Variants in PDLIM1 observed in about 807,000 individuals in gnomAD.
The protein encoded by PDLIM1 is PDZ and LIM domain protein 1.
Under a neutral mutation model 35.2 loss-of-function variants are expected in PDLIM1, and 25 were observed. The ratio of observed to expected loss-of-function variants is 0.71; its 90% CI spans 0.52 to 0.99. The LOEUF is 0.99. PDLIM1 is among the 50% of genes least tolerant of loss of function. The pLI, the probability that PDLIM1 is intolerant of heterozygous loss-of-function variation, is 0.00. For missense variants in PDLIM1, 363 were observed against 415.3 expected (o/e 0.87, Z 1.09); for synonymous variants, 152 against 154.0 (o/e 0.99, Z 0.10).
At chr10:95,247,136 T>C (rs920303385) in intron 5 of PDLIM1, 79 bp downstream of exon 5, 3 of 1,317,024 alleles carry the variant, frequency 2.3e-6, no homozygotes, top group Non-Finnish European at 3.2e-6. Flanking sequence ...CCAGAGTGTG[T>C]TCACCTGTGC....
chr10:95,283,981 C>CTCTCTGTGTGTG (rs143926521), intron 1 of PDLIM1, among the ~76,000 whole-genome samples: 155 of 150,318 alleles, frequency 1.0e-3, no homozygotes, highest in African/African-American at 3.6e-3. Flanking sequence ...GCCTTTTTCT[C>CTCTCTGTGTGTG]TGTGTGTGTG....
At chr10:95,270,371 G>A (rs1026333399) in intron 2 of PDLIM1, among the ~76,000 whole-genome samples, 5 of 151,816 alleles carry the variant, frequency 3.3e-5, no homozygotes, top group Non-Finnish European at 5.9e-5. Flanking sequence ...CTTCACAGAT[G>A]AGAATCTAAC....
At chr10:95,251,025 A>C (rs560522577) in intron 4 of PDLIM1, among the ~76,000 whole-genome samples, 19 of 152,290 alleles carry the variant, frequency 1.2e-4, no homozygotes, top group African/African-American at 4.6e-4. Flanking sequence ...CCCACCTCCC[A>C]GAGGAGGATT....
At chr10:95,284,722 C>T (rs946658731) in intron 1 of PDLIM1, among the ~76,000 whole-genome samples, 5 of 152,176 alleles carry the variant, frequency 3.3e-5, no homozygotes, top group African/African-American at 1.2e-4. Context: ...TTACTTGATA[C>T]GAATGGTCGT....
rs541046846 is a variant in PDLIM1 at position 95,276,113 on chromosome 10, C to T, written c.97-4329G>A. ...CCTATTTGAGATAATAATATGATTA[C>T]CTCACCACCAACATATTAGATAAAC... On this transcript the variant is annotated intron_variant, in intron 1 of 6. Coordinates refer to ENST00000329399, the MANE Select transcript of PDLIM1 (RefSeq NM_020992.4). 7.9e-5 allele frequency among the ~76,000 whole-genome samples: 12 copies of T among 152,212 alleles called. No individual in the cohort carries two copies. In the East Asian group the frequency reaches 1.3e-3, roughly 17 times the overall value.
chr10:95,280,304 G>A lies in PDLIM1; in HGVS notation c.97-8520C>T, dbSNP rs542398828. 2.0e-5 allele frequency among the ~76,000 whole-genome samples: 3 copies of A among 152,270 alleles called. No homozygotes were observed. In the South Asian group the frequency reaches 6.2e-4, roughly 32 times the overall value. On this transcript the variant is annotated intron_variant, in intron 1 of 6. Transcript: ENST00000329399. ...GCAGGAGAATCACTTGAACCGGGGA[G>A]GCAGAGGTTGCAATGAGCCAAGATC...
At position 95,290,802 on chromosome 10, in the gene PDLIM1, C is replaced by G; in HGVS notation, c.96+18G>C. On this transcript the variant is annotated intron_variant, in intron 1 of 6. Transcript: ENST00000329399. The surrounding 1 kb of genome is among the most constrained non-coding windows in gnomAD (Gnocchi z 4.7). ...TCCCATAGCGCCCCGCTTCCACGCACGTCCCAGCTGCTCTTACCCGGGAAA... is the reference window on the plus strand; with the variant it reads ...TCCCATAGCGCCCCGCTTCCACGCAGGTCCCAGCTGCTCTTACCCGGGAAA... 6.6e-7 allele frequency: 1 copy of G among 1,526,270 alleles called. No individual in the cohort carries two copies. The allele number at this position is 1,526,270 out of a possible 1,614,324, so 94.5% of individuals were successfully genotyped here. A position where few individuals can be genotyped will look rare whatever the true frequency, so the allele number is the denominator to read the frequency against.
chr10:95,284,204 G>C (rs555833116), intron 1 of PDLIM1, among the ~76,000 whole-genome samples: 267 of 152,098 alleles, frequency 1.8e-3, no homozygotes, highest in Non-Finnish European at 3.4e-3. Context: ...CACTCATGTG[G>C]ACCCAGTTTC....
intron 1 of PDLIM1, among the ~76,000 whole-genome samples, chr10:95,283,597 GT>G (rs2133442499): frequency 6.6e-6 from 1 of 152,350 alleles, no homozygotes; most frequent in East Asian, 1.9e-4. Flanking sequence ...GCAGCCAGCT[GT>G]TCACTGTGTT....
chr10:95,249,975 C>T (rs1407198469), intron 4 of PDLIM1, among the ~76,000 whole-genome samples: 1 of 152,160 alleles, frequency 6.6e-6, no homozygotes, highest in Non-Finnish European at 1.5e-5. Context: ...CCCCCACCTG[C>T]AGGGAACTGT....
intron 5 of PDLIM1, among the ~76,000 whole-genome samples, chr10:95,241,315 G>C (rs45450700): frequency 2.6e-5 from 4 of 152,144 alleles, no homozygotes; most frequent in African/African-American, 9.7e-5. Flanking sequence ...GCCCTCCAGC[G>C]ATCCTCCCAC....
At position 95,290,739 on chromosome 10, in the gene PDLIM1, C is replaced by T. The variant is rs1157880455; in HGVS notation, c.96+81G>A. ...CCGGCTGCGGTTCCGACTCCGTCCCCGACCGCGCCCGCGGGGCCCCAGTCT... is the reference window on the plus strand; with the variant it reads ...CCGGCTGCGGTTCCGACTCCGTCCCTGACCGCGCCCGCGGGGCCCCAGTCT... On this transcript the variant is annotated intron_variant, in intron 1 of 6. Coordinates refer to ENST00000329399, the MANE Select transcript of PDLIM1 (RefSeq NM_020992.4). The surrounding 1 kb of genome is among the most constrained non-coding windows in gnomAD (Gnocchi z 4.7). The T allele has an allele frequency of 5.0e-6, 5 of 994,064 alleles. No homozygotes were observed. The highest frequency in any genetic ancestry group is 3.4e-5 in the African/African-American group (2 of 59,034). The allele number at this position is 994,064 out of a possible 1,614,324, so 61.6% of individuals were successfully genotyped here.
Position 95,290,886 on chromosome 10 carries a change from G to T in PDLIM1, c.30C>A (p.Gly10=). MTTQQIDLQ[G]PGPWGFRLVG... ...CGAGGCGGAAGCCCCACGGCCCCGGGCCCTGGAGGTCTATCTGCTGGGTGG... is the reference window on the plus strand; with the variant it reads ...CGAGGCGGAAGCCCCACGGCCCCGGTCCCTGGAGGTCTATCTGCTGGGTGG... The change falls in exon 1 of 7, where the codon GGC becomes GGA. Residue 10 remains glycine, a synonymous_variant. Coordinates refer to ENST00000329399, the MANE Select transcript of PDLIM1 (RefSeq NM_020992.4). This position sits in a 1 kb window ranked among gnomAD's most constrained non-coding sequence, Gnocchi z 4.7. 6.4e-7 allele frequency: 1 copy of T among 1,563,422 alleles called. No individual in the cohort carries two copies. The highest frequency in any genetic ancestry group is 8.7e-7 in the Non-Finnish European group (1 of 1,154,576).
chr10:95,275,933 C>A (rs1300325120), intron 1 of PDLIM1, among the ~76,000 whole-genome samples: 1 of 152,000 alleles, frequency 6.6e-6, no homozygotes, highest in Non-Finnish European at 1.5e-5. Flanking sequence ...CAAAGGAAAT[C>A]TCAGAAAGTC....
At chr10:95,288,282 T>C (rs1159468867) in intron 1 of PDLIM1, among the ~76,000 whole-genome samples, 1 of 152,196 alleles carries the variant, frequency 6.6e-6, no homozygotes, top group Non-Finnish European at 1.5e-5. Flanking sequence ...CAATAATTCA[T>C]GCAAGAGAAA....
chr10:95,267,443 G>A (rs1441186854), intron 3 of PDLIM1, among the ~76,000 whole-genome samples: 1 of 152,224 alleles, frequency 6.6e-6, no homozygotes, highest in Non-Finnish European at 1.5e-5. Context: ...ACTGTGGCAT[G>A]TTTTAAATTA....
chr10:95,263,199 A>C (rs1589512959), intron 4 of PDLIM1, among the ~76,000 whole-genome samples: 1 of 151,222 alleles, frequency 6.6e-6, no homozygotes, highest in East Asian at 1.9e-4. Context: ...CTGTGACAGA[A>C]GAGGACATGC....
chr10:95,260,559 G>C (rs2035352391), intron 4 of PDLIM1, among the ~76,000 whole-genome samples: 1 of 152,166 alleles, frequency 6.6e-6, no homozygotes, highest in Admixed American at 6.5e-5. Flanking sequence ...GCACTGGGAG[G>C]AAGGGCAGCA....
intron 5 of PDLIM1, among the ~76,000 whole-genome samples, chr10:95,242,347 G>A (rs1420604786): frequency 6.6e-6 from 1 of 152,006 alleles, no homozygotes; most frequent in Non-Finnish European, 1.5e-5. Context: ...GCATTTAAAT[G>A]TCATTTTTTT....
Sources: allele counts gnomAD v4.1 joint callset (sites outside exome capture counted in the v4.1 genomes callset), GRCh38; gene constraint gnomAD v4.1.1; non-coding constraint Gnocchi (gnomAD v3.1); transcripts MANE v1.5; gene names NCBI Gene and HGNC (gene_info 2026-07-23, HGNC 2026-07-21).